The following COLEC12 variants were observed in gnomAD, a reference collection of about 807,000 sequenced individuals.
COLEC12 encodes the protein collectin-12.
In COLEC12, 33 loss-of-function variants were observed where a neutral mutation model predicts 71.1. That is an observed-to-expected ratio of 0.46 (90% CI 0.35 to 0.62). COLEC12 has a LOEUF of 0.62. Among genes scored for constraint, COLEC12 ranks in the 20% least tolerant of loss-of-function variants. The probability of loss-of-function intolerance (pLI) is 0.00; values close to 1 mark genes in which losing one functional copy is unlikely to be tolerated. For synonymous variants in COLEC12, 350 were observed against 353.0 expected, an observed-to-expected ratio of 0.99 and a Z score of 0.10; for missense variants, 765 against 916.1, an observed-to-expected ratio of 0.84 and a Z score of 2.13.
At chr18:489,110 C>T (rs1481147179) in intron 1 of COLEC12, among the ~76,000 whole-genome samples, 1 of 151,564 alleles carries the variant, frequency 6.6e-6, no homozygotes, top group Non-Finnish European at 1.5e-5. Context: ...ACACTGAAGA[C>T]AAAAATAAAA....
intron 2 of COLEC12, among the ~76,000 whole-genome samples, chr18:375,243 C>T (rs768680982): frequency 6.6e-6 from 1 of 152,228 alleles, no homozygotes; most frequent in Non-Finnish European, 1.5e-5. Flanking sequence ...GCCTGCCTTG[C>T]TGTTTCGACT....
At position 346,577 on chromosome 18, in the gene COLEC12, T is replaced by C; in HGVS notation, c.1045A>G (p.Asn349Asp). ...AGGTGGTGGGCTGTGTAACTGATAT[T>C]GCTAATGATGTTCACAATATCCGTC... ...FETDIVNIIS[N>D]ISYTAHHLRT... Residue 349 changes from asparagine to aspartate, a missense_variant, in exon 5 of 10, where the codon AAT becomes GAT. Asn to Asp is a conservative substitution (Grantham distance 23). Coordinates refer to ENST00000400256, the MANE Select transcript of COLEC12 (RefSeq NM_130386.3). The surrounding 1 kb of genome is among the most constrained non-coding windows in gnomAD (Gnocchi z 4.0). 6.2e-7 allele frequency: 1 copy of C among 1,614,220 alleles called. No individual in the cohort carries two copies. Among genetic ancestry groups the C allele is most frequent in the Non-Finnish European group, 8.5e-7 (1 of 1,180,046 alleles).
intron 8 of COLEC12, among the ~76,000 whole-genome samples, chr18:329,838 G>A (rs369858392): frequency 1.6e-4 from 25 of 152,186 alleles, no homozygotes; most frequent in African/African-American, 5.8e-4. Context: ...AGTGCTTTGC[G>A]AGGCCAAGGT....
chr18:346,370 A>G lies in COLEC12; in HGVS notation c.1252T>C (p.Ser418Pro). The change falls in exon 5 of 10, where the codon TCA becomes CCA. Residue 418 changes from serine to proline, a missense_variant. Ser to Pro is a moderately conservative substitution (Grantham distance 74). Coordinates refer to ENST00000400256, the MANE Select transcript of COLEC12 (RefSeq NM_130386.3). This position sits in a 1 kb window ranked among gnomAD's most constrained non-coding sequence, Gnocchi z 4.0. The part of the protein sequence containing the change: ...SRLDTEVANL[S>P]VIMEEMKLVD... ...AGCTTCATTTCTTCCATAATCACTG[A>G]TAAGTTGGCTACTTCAGTGTCTAAC... The G allele has an allele frequency of 6.2e-7, 1 of 1,614,168 alleles. No individual in the cohort carries two copies. Among genetic ancestry groups the G allele is most frequent in the Non-Finnish European group, 8.5e-7 (1 of 1,180,022 alleles).
chr18:372,365 G>A (rs1305572287), intron 2 of COLEC12, among the ~76,000 whole-genome samples: 1 of 152,148 alleles, frequency 6.6e-6, no homozygotes, highest in Non-Finnish European at 1.5e-5. Flanking sequence ...TGCAGAAGTA[G>A]GGGCAAAATA....
intron 2 of COLEC12, among the ~76,000 whole-genome samples, chr18:389,828 T>C (rs1915424552): frequency 6.6e-6 from 1 of 152,258 alleles, no homozygotes; most frequent in African/African-American, 2.4e-5. Context: ...AGAGTACTTC[T>C]GAAAAGTTGC....
intron 2 of COLEC12, among the ~76,000 whole-genome samples, chr18:433,674 T>C (rs1444186518): frequency 6.6e-6 from 1 of 151,966 alleles, no homozygotes; most frequent in East Asian, 1.9e-4. Context: ...GCCCTGCTTA[T>C]TAAAAGGCTA....
chr18:371,516 G>A (rs1567887774), intron 2 of COLEC12, among the ~76,000 whole-genome samples: 1 of 151,942 alleles, frequency 6.6e-6, no homozygotes, highest in Admixed American at 6.6e-5. Context: ...GGTGCAGGGA[G>A]GACCCCTTCT....
Position 319,010 on chromosome 18 carries a change from C to G in COLEC12, c.*1035G>C, listed in dbSNP as rs963845012. The G allele has an allele frequency of 6.6e-6, 1 of 152,066 alleles. No individual in the cohort carries two copies. Among genetic ancestry groups the G allele is most frequent in the Non-Finnish European group, 1.5e-5 (1 of 68,034 alleles). The allele number at this position is 152,066 out of a possible 1,614,324, so 9.4% of individuals were successfully genotyped here. ...ATGTTGGCTCTGTAGGGATCTGATG[C>G]CAAGTACAGTCATAGCTCAGCCATG... On this transcript the variant is annotated 3_prime_UTR_variant, in exon 10 of 10. Transcript: ENST00000400256.
intron 2 of COLEC12, among the ~76,000 whole-genome samples, chr18:383,450 A>C (rs1915277169): frequency 6.6e-6 from 1 of 152,174 alleles, no homozygotes; most frequent in African/African-American, 2.4e-5. Flanking sequence ...GTCCCAGAGG[A>C]CAAAATACAA....
intron 2 of COLEC12, among the ~76,000 whole-genome samples, chr18:441,568 T>A (rs141856466): frequency 8.0e-4 from 122 of 152,306 alleles, no homozygotes; most frequent in African/African-American, 2.8e-3. Flanking sequence ...TCCATATGCT[T>A]GTACAACAAT....
chr18:374,360 C>T (rs565686883), intron 2 of COLEC12, among the ~76,000 whole-genome samples: 90 of 152,208 alleles, frequency 5.9e-4, no homozygotes, highest in African/African-American at 1.9e-3. Context: ...CATTTTTTCA[C>T]GTTTGCACAT....
At chr18:463,704 T>C (rs923879333) in intron 2 of COLEC12, among the ~76,000 whole-genome samples, 2 of 152,104 alleles carry the variant, frequency 1.3e-5, no homozygotes, top group Non-Finnish European at 2.9e-5. Flanking sequence ...GTCTTTCGTA[T>C]CTTTCTTCTC....
rs141114967 is a variant in COLEC12, at chr18:331,288, T to C, written c.2063+380A>G. 3.3e-5 allele frequency among the ~76,000 whole-genome samples: 5 copies of C among 152,308 alleles called. No individual in the cohort carries two copies. The East Asian group carries it at 9.6e-4, about 29-fold the overall frequency. On this transcript the variant is annotated intron_variant, in intron 8 of 9. Coordinates refer to ENST00000400256, the MANE Select transcript of COLEC12 (RefSeq NM_130386.3). ...TGTGATCCTGAAGGGAGCTCCCCAGTCCTTGGAAACACGCCTGGGGCGAAC... is the reference window on the plus strand; with the variant it reads ...TGTGATCCTGAAGGGAGCTCCCCAGCCCTTGGAAACACGCCTGGGGCGAAC...
intron 2 of COLEC12, among the ~76,000 whole-genome samples, chr18:440,162 C>A (rs1020658842): frequency 5.9e-5 from 9 of 151,696 alleles, no homozygotes; most frequent in African/African-American, 1.2e-4. Flanking sequence ...AAAAAAAACA[C>A]CTTACAGAAA....
intron 2 of COLEC12, among the ~76,000 whole-genome samples, chr18:439,537 A>T (rs960751876): frequency 6.6e-6 from 1 of 151,400 alleles, no homozygotes. Context: ...TTTTTAAAAT[A>T]AGATTTTAAA....
chr18:457,796 TC>T, intron 2 of COLEC12, among the ~76,000 whole-genome samples: 1 of 152,222 alleles, frequency 6.6e-6, no homozygotes, highest in Non-Finnish European at 1.5e-5. Flanking sequence ...AAAACAAGCC[TC>T]CTTCATTGCG....
intron 4 of COLEC12, 77 bp downstream of exon 4, chr18:347,988 A>G: frequency 1.1e-6 from 1 of 948,804 alleles, no homozygotes; most frequent in Non-Finnish European, 1.7e-6. Context: ...GGGAGTTTAT[A>G]GCAACATCAT....
chr18:330,121 T>C (rs537482438), intron 8 of COLEC12, among the ~76,000 whole-genome samples: 4 of 152,294 alleles, frequency 2.6e-5, no homozygotes, highest in African/African-American at 9.6e-5. Flanking sequence ...GGCCTTATTC[T>C]GGTTTCCTCC....
Sources: gnomAD v4.1 joint callset for allele counts (sites outside exome capture counted in the v4.1 genomes callset) on GRCh38, gnomAD v4.1.1 for gene constraint, Gnocchi (gnomAD v3.1) non-coding constraint, MANE v1.5 for transcripts, NCBI Gene and HGNC (gene_info 2026-07-23, HGNC 2026-07-21) for gene names.